MLIP: variants seen among roughly 807,000 people sequenced by gnomAD.
MLIP encodes the protein muscular LMNA interacting protein.
Under a neutral mutation model 84.8 loss-of-function variants are expected in MLIP, and 79 were observed. The observed-to-expected ratio is 0.93, with a 90% confidence interval of 0.78 to 1.12. The LOEUF is 1.12. Among genes scored for constraint, MLIP ranks in the 50% most tolerant of loss-of-function variants. MLIP has a pLI of 0.00. For missense variants in MLIP, 1,257 were observed against 1,160.6 expected (o/e 1.08, Z -1.21); for synonymous variants, 504 against 463.0 (o/e 1.09, Z -1.14).
At chr6:54,033,906 T>C (rs1764280751) in intron 1 of MLIP, among the ~76,000 whole-genome samples, 1 of 152,178 alleles carries the variant, frequency 6.6e-6, no homozygotes, top group Non-Finnish European at 1.5e-5. Context: ...AAGTAAGTAA[T>C]AGTACTTTAA....
intron 12 of MLIP, among the ~76,000 whole-genome samples, chr6:54,249,734 C>CACACACATATATAT (rs145607176): frequency 1.3e-4 from 16 of 127,706 alleles, no homozygotes; most frequent in African/African-American, 4.6e-4. Context: ...CACACACACA[C>CACACACATATATAT]ATATATATAT....
chr6:54,136,678 T>C (rs757367470), intron 3 of MLIP, 37 bp from the exon 4 acceptor site: 6 of 1,394,582 alleles, frequency 4.3e-6, no homozygotes, highest in Non-Finnish European at 5.6e-6. Flanking sequence ...TCACAAATAA[T>C]GTCCTATTTC....
intron 1 of MLIP, among the ~76,000 whole-genome samples, chr6:54,037,194 G>T (rs1239797352): frequency 6.6e-6 from 1 of 151,918 alleles, no homozygotes; most frequent in Non-Finnish European, 1.5e-5. Context: ...CTCTGTGAAG[G>T]ATTGGTGACA....
intron 11 of MLIP, among the ~76,000 whole-genome samples, chr6:54,230,420 C>T (rs1374069851): frequency 6.6e-6 from 1 of 152,144 alleles, no homozygotes; most frequent in Non-Finnish European, 1.5e-5. Context: ...TTCTTCCTTA[C>T]AGATATCTCC....
intron 1 of MLIP, among the ~76,000 whole-genome samples, chr6:54,119,023 A>T (rs1017387868): frequency 4.6e-5 from 7 of 152,234 alleles, no homozygotes; most frequent in African/African-American, 1.7e-4. Context: ...TAGAATGGCT[A>T]TTATCAGAAA....
At chr6:54,222,480 G>T (rs1780283861) in intron 11 of MLIP, among the ~76,000 whole-genome samples, 1 of 151,940 alleles carries the variant, frequency 6.6e-6, no homozygotes, top group Non-Finnish European at 1.5e-5. Context: ...TTGTCTTTCT[G>T]TGTCTGGTTT....
chr6:54,129,877 G>T (rs192795625), intron 3 of MLIP, among the ~76,000 whole-genome samples: 2 of 152,178 alleles, frequency 1.3e-5, no homozygotes, highest in Non-Finnish European at 2.9e-5. Flanking sequence ...GGGCCTTCTT[G>T]GTCATATAAT....
intron 5 of MLIP, among the ~76,000 whole-genome samples, chr6:54,154,992 T>G (rs752911581): frequency 1.1e-4 from 17 of 152,100 alleles, no homozygotes; most frequent in Non-Finnish European, 2.4e-4. Context: ...GGTTTGAAAC[T>G]GGTTGGAATG....
intron 12 of MLIP, among the ~76,000 whole-genome samples, chr6:54,252,577 ATATAATCAT>A (rs1364665851): frequency 6.7e-6 from 1 of 148,342 alleles, no homozygotes; most frequent in Non-Finnish European, 1.5e-5. Context: ...CATGATATGT[ATATAATCAT>A]GATTATGTAC....
intron 1 of MLIP, chr6:54,058,863 T>C (rs1765805475): frequency 1.3e-5 from 2 of 152,090 alleles, no homozygotes; most frequent in Admixed American, 6.5e-5. Context: ...TAGAGGAAGA[T>C]AGAGAGAGAT....
At position 54,221,185 on chromosome 6, in the gene MLIP, G is replaced by C. The variant is rs147754147; in HGVS notation, c.2719-9529G>C. 3.0e-3 allele frequency among the ~76,000 whole-genome samples: 454 copies of C among 152,206 alleles called. 2 individuals carry two copies. The highest frequency in any genetic ancestry group is 5.5e-3 in the Non-Finnish European group (377 of 68,010). Reference sequence around the variant, plus strand: ...GGAAATTGCTGTGTAGCTGATGATAGTCTTCATTATTTTAGAAGTAGAGGC... The same window carrying C: ...GGAAATTGCTGTGTAGCTGATGATACTCTTCATTATTTTAGAAGTAGAGGC... On this transcript the variant is annotated intron_variant, in intron 11 of 13. Coordinates refer to ENST00000502396, the MANE Select transcript of MLIP (RefSeq NM_001281747.2).
At chr6:54,026,670 A>G (rs991107969) in intron 1 of MLIP, among the ~76,000 whole-genome samples, 1 of 151,926 alleles carries the variant, frequency 6.6e-6, no homozygotes, top group Admixed American at 6.6e-5. Flanking sequence ...ACAGGTGTTT[A>G]ATTCACATAC....
At chr6:54,051,064 C>T (rs1189131282) in intron 1 of MLIP, among the ~76,000 whole-genome samples, 3 of 152,080 alleles carry the variant, frequency 2.0e-5, no homozygotes, top group African/African-American at 7.2e-5. Flanking sequence ...CTCCCCAAGT[C>T]CTTCAGGAGG....
chr6:54,078,269 C>T (rs1040899139), intron 1 of MLIP, among the ~76,000 whole-genome samples: 2 of 152,284 alleles, frequency 1.3e-5, no homozygotes, highest in Non-Finnish European at 2.9e-5. Flanking sequence ...CTCTAGCACT[C>T]GTTAAGAGTT....
intron 9 of MLIP, among the ~76,000 whole-genome samples, chr6:54,187,863 C>T (rs1023896737): frequency 6.6e-6 from 1 of 152,158 alleles, no homozygotes; most frequent in Non-Finnish European, 1.5e-5. Flanking sequence ...AAAAATTAGC[C>T]AGGTGTGGCA....
intron 9 of MLIP, among the ~76,000 whole-genome samples, chr6:54,180,904 G>A (rs923429538): frequency 6.6e-6 from 1 of 152,136 alleles, no homozygotes; most frequent in Admixed American, 6.5e-5. Flanking sequence ...GCTTGTGGAT[G>A]TTTGTCAGTG....
At chr6:54,173,960 A>T (rs571160744) in intron 9 of MLIP, among the ~76,000 whole-genome samples, 247 of 150,232 alleles carry the variant, frequency 1.6e-3, no homozygotes, top group Non-Finnish European at 1.4e-3. Context: ...TGATTTTTGG[A>T]TCCCACAAAT....
chr6:54,230,261 C>T (rs1475733450), intron 11 of MLIP, among the ~76,000 whole-genome samples: 1 of 152,146 alleles, frequency 6.6e-6, no homozygotes, highest in Non-Finnish European at 1.5e-5. Context: ...CCCCTCCACT[C>T]ACTTTAATAT....
intron 8 of MLIP, among the ~76,000 whole-genome samples, chr6:54,162,754 A>T (rs1039357891): frequency 1.3e-5 from 2 of 151,918 alleles, no homozygotes; most frequent in Non-Finnish European, 2.9e-5. Flanking sequence ...GACAAGGATG[A>T]GTTTGAAGTG....
Sources: gnomAD v4.1 joint callset for allele counts (sites outside exome capture counted in the v4.1 genomes callset) on GRCh38, gnomAD v4.1.1 for gene constraint, MANE v1.5 for transcripts, NCBI Gene and HGNC (gene_info 2026-07-23, HGNC 2026-07-21) for gene names.